The following MCOLN2 variants were observed in gnomAD, a reference collection of about 807,000 sequenced individuals.
MCOLN2 encodes the protein mucolipin-2.
A neutral mutation model predicts 67.5 loss-of-function variants in MCOLN2; 57 were observed. That is an observed-to-expected ratio of 0.84 (90% CI 0.68 to 1.05). The LOEUF (loss-of-function observed/expected upper bound fraction) is 1.05, where lower values mean the gene tolerates loss of function less well. Among genes scored for constraint, MCOLN2 ranks in the 50% least tolerant of loss-of-function variants. The pLI is 0.00. For missense variants in MCOLN2, 620 were observed against 678.8 expected (o/e 0.91, Z 0.96); for synonymous variants, 246 against 233.3 (o/e 1.05, Z -0.50).
intron 6 of MCOLN2, among the ~76,000 whole-genome samples, chr1:84,947,955 C>T (rs1648205583): frequency 6.6e-6 from 1 of 152,272 alleles, no homozygotes; most frequent in African/African-American, 2.4e-5. Flanking sequence ...CCCCTGGGAA[C>T]AGGCAGAAGT....
At chr1:84,971,216 G>C (rs914879496) in intron 1 of MCOLN2, among the ~76,000 whole-genome samples, 1 of 152,020 alleles carries the variant, frequency 6.6e-6, no homozygotes. Context: ...CTAGTCAACT[G>C]ATGAAAAAAT....
intron 11 of MCOLN2, 59 bp from the exon 12 acceptor site, chr1:84,931,627 T>A: frequency 1.5e-6 from 2 of 1,379,240 alleles, no homozygotes; most frequent in Non-Finnish European, 2.1e-6. Flanking sequence ...GCAGAGGATA[T>A]CTAGTTAGCT....
chr1:84,946,954 C>T (rs1648143312), intron 7 of MCOLN2, 79 bp downstream of exon 7: 2 of 709,212 alleles, frequency 2.8e-6, no homozygotes, highest in Admixed American at 2.2e-5. Flanking sequence ...GCAAACAAAC[C>T]ATTTAAATAC....
At chr1:84,973,038 G>A (rs1224413336) in intron 1 of MCOLN2, among the ~76,000 whole-genome samples, 1 of 152,174 alleles carries the variant, frequency 6.6e-6, no homozygotes, top group Non-Finnish European at 1.5e-5. Flanking sequence ...GCACAAGGAC[G>A]TATGCAAGAC....
chr1:84,982,967 C>T (rs1331493711), intron 1 of MCOLN2, among the ~76,000 whole-genome samples: 1 of 152,098 alleles, frequency 6.6e-6, no homozygotes, highest in Non-Finnish European at 1.5e-5. Context: ...ATCCACCCAC[C>T]CTGGCCTCCC....
chr1:84,930,655 G>A (rs1284117536), intron 12 of MCOLN2, among the ~76,000 whole-genome samples: 1 of 152,120 alleles, frequency 6.6e-6, no homozygotes, highest in Admixed American at 6.5e-5. Flanking sequence ...AAAGGTAGCG[G>A]ACTGGGTTTC....
At chr1:84,996,309 C>T (rs1651143253) in intron 1 of MCOLN2, among the ~76,000 whole-genome samples, 1 of 147,284 alleles carries the variant, frequency 6.8e-6, no homozygotes, top group Non-Finnish European at 1.5e-5. Context: ...TTCTTCCATT[C>T]TCAGTTTACA....
intron 3 of MCOLN2, among the ~76,000 whole-genome samples, chr1:84,956,917 C>A (rs187569784): frequency 1.6e-4 from 24 of 152,284 alleles, no homozygotes; most frequent in Admixed American, 1.4e-3. Context: ...CTGGAGCTCA[C>A]ACGCATATTT....
At chr1:84,946,535 C>T (rs1363887413) in intron 7 of MCOLN2, among the ~76,000 whole-genome samples, 3 of 152,146 alleles carry the variant, frequency 2.0e-5, no homozygotes. Context: ...TTGCATTATA[C>T]TTACAGGTTG....
chr1:84,970,966 T>C (rs1649650202), intron 1 of MCOLN2, among the ~76,000 whole-genome samples: 1 of 152,158 alleles, frequency 6.6e-6, no homozygotes, highest in Non-Finnish European at 1.5e-5. Flanking sequence ...CCTAAGAAAC[T>C]TTATTAAGAA....
intron 7 of MCOLN2, among the ~76,000 whole-genome samples, chr1:84,944,102 T>C (rs530144933): frequency 2.8e-4 from 43 of 152,282 alleles, no homozygotes; most frequent in African/African-American, 9.4e-4. Context: ...ACAGTTTGCA[T>C]TGGACCTTGT....
At chr1:84,994,550 T>C (rs1391411426) in intron 1 of MCOLN2, among the ~76,000 whole-genome samples, 2 of 152,264 alleles carry the variant, frequency 1.3e-5, no homozygotes, top group African/African-American at 4.8e-5. Context: ...GCTTCCTTTC[T>C]TAAAGCTCAT....
intron 1 of MCOLN2, among the ~76,000 whole-genome samples, chr1:84,985,694 C>G (rs935233452): frequency 6.6e-6 from 1 of 151,354 alleles, no homozygotes; most frequent in East Asian, 1.9e-4. Flanking sequence ...ACAACAGCTG[C>G]AAAAAAAACC....
chr1:84,972,545 T>G (rs1056494828), intron 1 of MCOLN2, among the ~76,000 whole-genome samples: 3 of 152,174 alleles, frequency 2.0e-5, no homozygotes, highest in Admixed American at 2.0e-4. Context: ...CTGAGACTGG[T>G]ACTGTGGTAA....
intron 1 of MCOLN2, among the ~76,000 whole-genome samples, chr1:84,987,693 G>GAAATATATACATACAT (rs1650689286): frequency 9.3e-6 from 1 of 107,526 alleles, no homozygotes; most frequent in African/African-American, 3.4e-5. Flanking sequence ...TAGATGTATA[G>GAAATATATACATACAT]ATGTATATAG....
chr1:84,935,758 C>G (rs930915264), intron 11 of MCOLN2, among the ~76,000 whole-genome samples: 25 of 152,136 alleles, frequency 1.6e-4, no homozygotes, highest in Non-Finnish European at 4.4e-5. Context: ...AGTGCTGGCT[C>G]AGAGCATCCC....
rs1205200880 is a variant in MCOLN2 at position 84,926,664 on chromosome 1, TTAA to T, written c.*18_*20del. 1 of 1,571,936 alleles carries T rather than the reference TTAA, an allele frequency of 6.4e-7. No individual in the cohort carries two copies. The highest frequency in any genetic ancestry group is 8.7e-7 in the Non-Finnish European group (1 of 1,152,922). On this transcript the variant is annotated 3_prime_UTR_variant, in exon 14 of 14. Transcript: ENST00000370608. ...GCCGCTGGATAAGGATGCCTGAACTTTAATCATCTTTAGCAGAACTTTAGCTAA... is the reference window on the plus strand; with the variant it reads ...GCCGCTGGATAAGGATGCCTGAACTTTCATCTTTAGCAGAACTTTAGCTAA...
At chr1:84,992,219 C>A (rs1650926502) in intron 1 of MCOLN2, among the ~76,000 whole-genome samples, 1 of 152,174 alleles carries the variant, frequency 6.6e-6, no homozygotes, top group African/African-American at 2.4e-5. Flanking sequence ...TTTCAAGAAT[C>A]TTCTGCCTCA....
intron 1 of MCOLN2, among the ~76,000 whole-genome samples, chr1:84,991,885 C>CCA (rs1400278571): frequency 6.6e-6 from 1 of 152,160 alleles, no homozygotes; most frequent in Non-Finnish European, 1.5e-5. Context: ...ATAAAGGATT[C>CCA]CACATGCAGT....
Sources: allele counts gnomAD v4.1 joint callset (sites outside exome capture counted in the v4.1 genomes callset), GRCh38; gene constraint gnomAD v4.1.1; transcripts MANE v1.5; gene names NCBI Gene and HGNC (gene_info 2026-07-23, HGNC 2026-07-21).